PRKCH: variants seen among roughly 807,000 people sequenced by gnomAD.
PRKCH encodes protein kinase C eta type.
In PRKCH, 28 loss-of-function variants were observed where a neutral mutation model predicts 82.5. That is an observed-to-expected ratio of 0.34 (90% confidence interval 0.25 to 0.47). The LOEUF (loss-of-function observed/expected upper bound fraction) is 0.47, where lower values mean the gene tolerates loss of function less well. Ranked by LOEUF, PRKCH falls within the 20% of genes least tolerant of loss-of-function variation. The pLI, the probability that PRKCH is intolerant of heterozygous loss-of-function variation, is 1.00. For missense variants in PRKCH, 705 were observed against 881.8 expected (o/e 0.80, Z 2.54); for synonymous variants, 322 against 327.4 (o/e 0.98, Z 0.18).
chr14:61,229,540 G>A (rs1204001874), intron 1 of PRKCH, among the ~76,000 whole-genome samples: 3 of 152,188 alleles, frequency 2.0e-5, no homozygotes, highest in African/African-American at 7.2e-5. Flanking sequence ...GTAAATGGCT[G>A]TTTTACCCTT....
At chr14:61,209,040 C>T (rs528785123) in intron 1 of PRKCH, among the ~76,000 whole-genome samples, 9 of 152,160 alleles carry the variant, frequency 5.9e-5, no homozygotes, top group Non-Finnish European at 7.4e-5. Context: ...CCTTCATGAA[C>T]GGATTAATGC....
At chr14:61,378,002 C>T (rs970183934) in intron 1 of PRKCH, among the ~76,000 whole-genome samples, 4 of 152,212 alleles carry the variant, frequency 2.6e-5, no homozygotes, top group African/African-American at 9.6e-5. Flanking sequence ...AGCCTTCTCT[C>T]TTACTCCTGT....
chr14:61,417,869 A>C (rs1229018930), intron 2 of PRKCH, among the ~76,000 whole-genome samples: 2 of 152,162 alleles, frequency 1.3e-5, no homozygotes, highest in Admixed American at 1.3e-4. Flanking sequence ...TTTGTGTATG[A>C]GGGTTTTTGT....
Position 61,200,409 on chromosome 14 carries a change from GTT to G in PRKCH, c.-19+12743_-19+12744del, listed in dbSNP as rs10673036. 8.0e-3 allele frequency among the ~76,000 whole-genome samples: 1,192 copies of G among 148,740 alleles called. 18 individuals are homozygous for G. The highest frequency in any genetic ancestry group is 0.028 in the African/African-American group (1,115 of 40,436). On this transcript the variant is annotated intron_variant, in intron 1 of 3. Coordinates refer to the PRKCH transcript ENST00000555185. ...AGTGAGTGTGTGTGTGTGTGTGTGTGTTTGTGTGTTACAGGATATTATAAGAA... is the reference window on the plus strand; with the variant it reads ...AGTGAGTGTGTGTGTGTGTGTGTGTGTGTGTGTTACAGGATATTATAAGAA...
chr14:61,198,201 G>C (rs1193991256), intron 1 of PRKCH, among the ~76,000 whole-genome samples: 5 of 152,036 alleles, frequency 3.3e-5, no homozygotes, highest in African/African-American at 1.2e-4. Context: ...TATTTTCTCT[G>C]CATTAGCCAT....
intron 1 of PRKCH, among the ~76,000 whole-genome samples, chr14:61,263,850 TGTGTGTGTG>T (rs2045071968): frequency 0.016 from 51 of 3,170 alleles, no homozygotes; most frequent in Middle Eastern, 0.25. Context: ...CAGAGTATTG[TGTGTGTGTG>T]TGTGTGTGTG....
At chr14:61,215,895 T>C (rs1444033734) in intron 1 of PRKCH, among the ~76,000 whole-genome samples, 1 of 152,176 alleles carries the variant, frequency 6.6e-6, no homozygotes, top group Non-Finnish European at 1.5e-5. Flanking sequence ...AGAATACCCT[T>C]GTGCCAGTCG....
chr14:61,458,033 T>G (rs1884859715), intron 9 of PRKCH, among the ~76,000 whole-genome samples: 1 of 152,220 alleles, frequency 6.6e-6, no homozygotes, highest in African/African-American at 2.4e-5. Flanking sequence ...CTTGATGAAT[T>G]TGGCTGTGAC....
Position 61,256,596 on chromosome 14 carries a change from C to T in PRKCH, c.-19+68928C>T, listed in dbSNP as rs573113633. Among the ~76,000 whole-genome samples the T allele has an allele frequency of 1.3e-4, 20 of 152,326 alleles. No homozygotes were observed. The East Asian group carries it at 3.7e-3, about 28-fold the overall frequency. On this transcript the variant is annotated intron_variant, in intron 1 of 3. Coordinates refer to the PRKCH transcript ENST00000555185. Reference sequence around the variant, plus strand: ...CCCGCATCAAGAATTACCTTGCCCACAGTAAACATTAATTCAGGATTTTCT... The same window carrying T: ...CCCGCATCAAGAATTACCTTGCCCATAGTAAACATTAATTCAGGATTTTCT...
chr14:61,379,602 T>A (rs1272643699), intron 1 of PRKCH, among the ~76,000 whole-genome samples: 2 of 152,262 alleles, frequency 1.3e-5, no homozygotes, highest in Non-Finnish European at 1.5e-5. Context: ...TATCTTGTTT[T>A]TAACCTGGTA....
At chr14:61,465,935 AT>A (rs1283005693) in intron 9 of PRKCH, among the ~76,000 whole-genome samples, 1 of 152,246 alleles carries the variant, frequency 6.6e-6, no homozygotes, top group Non-Finnish European at 1.5e-5. Context: ...ATTATGTCAA[AT>A]GGAAAAGTGA....
At chr14:61,362,544 T>C (rs1401361074) in intron 1 of PRKCH, among the ~76,000 whole-genome samples, 1 of 152,194 alleles carries the variant, frequency 6.6e-6, no homozygotes, top group Non-Finnish European at 1.5e-5. Context: ...GACCACTCAG[T>C]TTTGACTGTT....
chr14:61,440,984 C>T (rs952157304), intron 2 of PRKCH, among the ~76,000 whole-genome samples: 2 of 149,602 alleles, frequency 1.3e-5, no homozygotes, highest in Non-Finnish European at 3.0e-5. Context: ...GAGGTGCAAT[C>T]ATGGCTCATT....
chr14:61,367,349 T>C (rs1051169180), intron 1 of PRKCH, among the ~76,000 whole-genome samples: 15 of 142,880 alleles, frequency 1.0e-4, no homozygotes, highest in African/African-American at 3.7e-4. Context: ...GTATTGCGTG[T>C]GTGTGTGTGT....
rs77556637 is a variant in PRKCH at position 61,287,611 on chromosome 14, G to A, written c.-19+99943G>A. On this transcript the variant is annotated intron_variant, in intron 1 of 3. Transcript: ENST00000555185. ...TGTAATCTCAGCCTCTTGGGAAGCCGAGGCATGAGAATTGCTTTAACCTGG... is the reference window on the plus strand; with the variant it reads ...TGTAATCTCAGCCTCTTGGGAAGCCAAGGCATGAGAATTGCTTTAACCTGG... 7.0e-3 allele frequency among the ~76,000 whole-genome samples: 1,069 copies of A among 152,162 alleles called. 42 individuals are homozygous for A. In the East Asian group the frequency reaches 0.096, roughly 14 times the overall value.
chr14:61,333,872 T>C (rs187747772), intron 1 of PRKCH, among the ~76,000 whole-genome samples: 70 of 152,218 alleles, frequency 4.6e-4, no homozygotes, highest in Non-Finnish European at 7.2e-4. Flanking sequence ...TCTGCTGTGT[T>C]AGTCTAAGAC....
rs751016207 is a variant in PRKCH at position 61,485,539 on chromosome 14, G to A, written c.1316G>A (p.Gly439Asp). 1.2e-6 allele frequency: 2 copies of A among 1,614,166 alleles called. No individual in the cohort carries two copies. The highest frequency in any genetic ancestry group is 1.7e-6 in the Non-Finnish European group (2 of 1,180,028). ...TTTGTGATGGAGTTTGTGAATGGGG[G>A]TGACTTGATGTTCCACATTCAGAAG... The part of the protein sequence containing the change: ...LFFVMEFVNG[G>D]DLMFHIQKSR... Residue 439 changes from glycine (G) to aspartate (D), a missense_variant, in exon 10 of 14, where the codon GGT becomes GAT. Physicochemically the swap from Gly to Asp is moderately conservative, Grantham distance 94. Coordinates refer to ENST00000332981, the MANE Select transcript of PRKCH (RefSeq NM_006255.5).
chr14:61,374,356 G>T lies in PRKCH; in HGVS notation c.364-16869G>T, dbSNP rs2140177223. ...TGGATCTACCATTCTGGGGTCTGGA[G>T]GACAATGTCTGTCTTCCCACAGCTC... is the stretch of plus-strand genomic sequence containing the variant. On this transcript the variant is annotated intron_variant, in intron 1 of 13. Transcript: ENST00000332981. Among the ~76,000 whole-genome samples the T allele has an allele frequency of 2.0e-5, 3 of 152,246 alleles. No individual in the cohort carries two copies. In the South Asian group the frequency reaches 6.2e-4, roughly 32 times the overall value.
chr14:61,409,128 G>A (rs377311103), intron 2 of PRKCH, among the ~76,000 whole-genome samples: 15 of 152,164 alleles, frequency 9.9e-5, no homozygotes, highest in African/African-American at 2.2e-4. Context: ...TGATGCCACC[G>A]CATTGCCTCT....
Sources: gnomAD v4.1 joint callset for allele counts (sites outside exome capture counted in the v4.1 genomes callset) on GRCh38, gnomAD v4.1.1 for gene constraint, MANE v1.5 for transcripts, NCBI Gene and HGNC (gene_info 2026-07-23, HGNC 2026-07-21) for gene names.